SCN4A: variants seen among roughly 807,000 people sequenced by gnomAD.
SCN4A encodes sodium channel protein type 4 subunit alpha.
SCN4A carries 83 observed loss-of-function variants against 162.0 expected under a neutral mutation model. That is an observed-to-expected ratio of 0.51 (90% confidence interval 0.43 to 0.61). The LOEUF (loss-of-function observed/expected upper bound fraction) is 0.61, where lower values mean the gene tolerates loss of function less well. SCN4A is among the 20% of genes least tolerant of loss of function. The pLI is 0.00. For missense variants in SCN4A, 2,196 were observed against 2,462.5 expected (o/e 0.89, Z 2.29); for synonymous variants, 944 against 985.1 (o/e 0.96, Z 0.78).
chr17:63,972,764 T>G lies in SCN4A; in HGVS notation c.78A>C (p.Ala26=). 6.2e-7 allele frequency: 1 copy of G among 1,613,836 alleles called. No individual in the cohort carries two copies. The highest frequency in any genetic ancestry group is 8.5e-7 in the Non-Finnish European group (1 of 1,179,834). Residue 26 remains alanine, a synonymous_variant, in exon 1 of 24, where the codon GCA becomes GCC. Transcript: ENST00000435607. This position sits in a 1 kb window ranked among gnomAD's most constrained non-coding sequence, Gnocchi z 4.3. The part of the protein sequence containing the change: ...CLRPFTRESL[A]AIEQRAVEEE... ...CCTCCACCGCCCGCTGTTCTATGGC[T>G]GCCAGTGACTCCCGGGTGAAGGGGC...
In SCN4A at chr17:63,943,111, G is replaced by A; in HGVS notation, c.4018-15C>T. The stretch of plus-strand genomic sequence containing the variant: ...TGGATCTTGTTCTGCAGCATGGGTG[G>A]GAGTGGATGTGGAGGAGTTGGGGTG... On this transcript the variant is annotated splice_polypyrimidine_tract_variant and intron_variant, in intron 22 of 23. Transcript: ENST00000435607. 6.2e-7 allele frequency: 1 copy of A among 1,602,982 alleles called. No homozygotes were observed. Among genetic ancestry groups the A allele is most frequent in the South Asian group, 1.1e-5 (1 of 90,318 alleles).
At position 63,957,377 on chromosome 17, in the gene SCN4A, G is replaced by A. The variant is rs1909103392; in HGVS notation, c.2161C>T (p.Leu721=). The change falls in exon 13 of 24, where the codon CTG becomes TTG. Residue 721 remains leucine (L), a synonymous_variant. Coordinates refer to ENST00000435607, the MANE Select transcript of SCN4A (RefSeq NM_000334.4). ...VFIFAVVGMQ[L]FGKSYKECVC... ...CACTCCTTGTAGCTCTTGCCAAACA[G>A]CTGCATGCCCACCACGGCGAAGATG... 6.2e-7 allele frequency: 1 copy of A among 1,614,002 alleles called. No homozygotes were observed.
intron 14 of SCN4A, chr17:63,949,834 A>C: frequency 1.1e-5 from 2 of 190,170 alleles, no homozygotes; most frequent in Non-Finnish European, 2.1e-5. Context: ...CCCCGGCCCG[A>C]GTGGGGGGTC....
rs1908544184 is a variant in SCN4A, at chr17:63,941,801, A to T, written c.4481T>A (p.Phe1494Tyr). Residue 1494 changes from phenylalanine (F) to tyrosine (Y), a missense_variant, in exon 24 of 24, where the codon TTC (phenylalanine) becomes TAC (tyrosine). Phe to Tyr is a conservative substitution (Grantham distance 22). Coordinates refer to ENST00000435607, the MANE Select transcript of SCN4A (RefSeq NM_000334.4). This position sits in a 1 kb window ranked among gnomAD's most constrained non-coding sequence, Gnocchi z 6.2. Reference sequence around the variant, plus strand: ...GGACATGCCGAAGATGGAGTAGATGAACATGACCAGGAAGAGGAGGAGGCC... The same window carrying T: ...GGACATGCCGAAGATGGAGTAGATGTACATGACCAGGAAGAGGAGGAGGCC... Reference protein sequence around the residue: ...NIGLLLFLVMFIYSIFGMSNF... With the variant: ...NIGLLLFLVMYIYSIFGMSNF... The T allele has an allele frequency of 6.2e-7, 1 of 1,614,062 alleles. No homozygotes were observed. Among genetic ancestry groups the T allele is most frequent in the Admixed American group, 1.7e-5 (1 of 59,998 alleles).
rs1567829662 is a variant in SCN4A, at chr17:63,972,364, A to C, written c.380T>G (p.Val127Gly). The change falls in exon 2 of 24, where the codon GTG (valine) becomes GGG (glycine). Residue 127 changes from valine (V) to glycine (G), a missense_variant. Coordinates refer to ENST00000435607, the MANE Select transcript of SCN4A (RefSeq NM_000334.4). The surrounding 1 kb of genome is among the most constrained non-coding windows in gnomAD (Gnocchi z 4.3). ...TTGGGCAGGATATGCATGGATGAGC[A>C]CCTTGATGGCCCCGCGCCTGACTAC... ...FSVVRRGAIK[V>G]LIHALFSMFI... 1 of 1,613,814 alleles carries C rather than the reference A, an allele frequency of 6.2e-7. No individual in the cohort carries two copies. The highest frequency in any genetic ancestry group is 2.2e-5 in the East Asian group (1 of 44,876).
At chr17:63,948,529 G>A in intron 16 of SCN4A, 82 bp downstream of exon 16, 1 of 1,253,044 alleles carries the variant, frequency 8.0e-7, no homozygotes, top group Non-Finnish European at 1.1e-6. Flanking sequence ...GGCCCTTCCT[G>A]TGTGTGGAGA....
rs58036769 is a variant in SCN4A, at chr17:63,942,258, GGTGTGTGTGT to G, written c.4289-275_4289-266del. ...CCCAAGGCTGTTTGCAAATGCCACT[GGTGTGTGTGT>G]GTGTGTGTGTGTGTGTGTGTGTGTG... is the stretch of plus-strand genomic sequence containing the variant. On this transcript the variant is annotated intron_variant, in intron 23 of 23. Coordinates refer to ENST00000435607, the MANE Select transcript of SCN4A (RefSeq NM_000334.4). Among the ~76,000 whole-genome samples the G allele has an allele frequency of 0.28, 38,450 of 138,558 alleles. 5,822 individuals are homozygous for G. Among genetic ancestry groups the G allele is most frequent in the East Asian group, 0.4 (1,984 of 4,924 alleles). 90.9% of individuals were successfully genotyped at this position (138,558 alleles called of 152,430 possible).
chr17:63,941,412 A>G lies in SCN4A; in HGVS notation c.4870T>C (p.Trp1624Arg). Residue 1624 changes from tryptophan (W) to arginine (R), a missense_variant, in exon 24 of 24, where the codon TGG (tryptophan) becomes CGG (arginine). Physicochemically the swap from Trp to Arg is moderately radical, Grantham distance 101. Transcript: ENST00000435607. The surrounding 1 kb of genome is among the most constrained non-coding windows in gnomAD (Gnocchi z 6.2). ...GTGGCGTCGGGGTCGAACTTCTCCC[A>G]TGTCTCGTAGAACATCTCAAAGTCA... ...EDDFEMFYETWEKFDPDATQF... is the reference protein window; with the variant it reads ...EDDFEMFYETREKFDPDATQF... The G allele has an allele frequency of 1.2e-6, 2 of 1,613,904 alleles. No individual in the cohort carries two copies. The highest frequency in any genetic ancestry group is 1.7e-6 in the Non-Finnish European group (2 of 1,179,980).
chr17:63,965,621 T>C (rs765018132), intron 8 of SCN4A, among the ~76,000 whole-genome samples: 4 of 152,192 alleles, frequency 2.6e-5, no homozygotes, highest in Non-Finnish European at 4.4e-5. Flanking sequence ...CCTGAGTAGC[T>C]GGGAATATAG....
intron 23 of SCN4A, 69 bp from the exon 24 acceptor site, chr17:63,942,062 C>T (rs145578310): frequency 1.5e-5 from 22 of 1,436,230 alleles, no homozygotes; most frequent in Middle Eastern, 4.0e-4. Context: ...GGGGAGCATG[C>T]GGGGCTCAGG....
Position 63,964,575 on chromosome 17 carries a change from C to A in SCN4A, c.1345G>T (p.Ala449Ser), listed in dbSNP as rs972262577. The change falls in exon 9 of 24, where the codon GCA becomes TCA. Residue 449 changes from alanine to serine, a missense_variant. Transcript: ENST00000435607. Reference protein sequence around the residue: ...INLILAVVAMAYAEQNEATLA... With the variant: ...INLILAVVAMSYAEQNEATLA... ...GTGGCCTCATTCTGCTCGGCATATG[C>A]CATGGCCACCACGGCCAGGATCAGA... 6.2e-7 allele frequency: 1 copy of A among 1,613,936 alleles called. No homozygotes were observed. Among genetic ancestry groups the A allele is most frequent in the Non-Finnish European group, 8.5e-7 (1 of 1,179,836 alleles).
In SCN4A at chr17:63,940,705, T is replaced by C; in HGVS notation, c.*66A>G. ...CAAAGCCCTCCTCCCTCACTCTGTG[T>C]GCAGGCACCACGGGGGAGCTCTGGG... On this transcript the variant is annotated 3_prime_UTR_variant, in exon 24 of 24. Coordinates refer to ENST00000435607, the MANE Select transcript of SCN4A (RefSeq NM_000334.4). 1 of 1,502,614 alleles carries C rather than the reference T, an allele frequency of 6.7e-7. No homozygotes were observed. Among genetic ancestry groups the C allele is most frequent in the East Asian group, 2.3e-5 (1 of 43,850 alleles). 93.1% of individuals were successfully genotyped at this position (1,502,614 alleles called of 1,614,324 possible).
chr17:63,938,563 C>T lies in SCN4A; in HGVS notation c.*2208G>A, dbSNP rs1296148610. The T allele has an allele frequency of 6.6e-6, 1 of 152,486 alleles. No homozygotes were observed. The highest frequency in any genetic ancestry group is 2.4e-5 in the African/African-American group (1 of 41,444). The allele number at this position is 152,486 out of a possible 1,614,324, so 9.4% of individuals were successfully genotyped here. ...AGGGAGAAGCCACATACCAGAGGCA[C>T]CAAGGAGGGTTTATTGTAAGAACTG... On this transcript the variant is annotated 3_prime_UTR_variant, in exon 24 of 24. Coordinates refer to ENST00000435607, the MANE Select transcript of SCN4A (RefSeq NM_000334.4).
intron 15 of SCN4A, 151 bp downstream of exon 15, chr17:63,949,242 G>A (rs1458746135): frequency 3.8e-6 from 3 of 797,192 alleles, no homozygotes; most frequent in Non-Finnish European, 5.8e-6. Flanking sequence ...CCACAGTTCT[G>A]GGCATGCACT....
intron 8 of SCN4A, among the ~76,000 whole-genome samples, 196 bp from the exon 9 acceptor site, chr17:63,964,873 G>T (rs1260276135): frequency 6.6e-6 from 1 of 152,178 alleles, no homozygotes; most frequent in Non-Finnish European, 1.5e-5. Flanking sequence ...GGACTCAAAC[G>T]TTTCTGGTCT....
Position 63,939,584 on chromosome 17 carries a change from C to T in SCN4A, c.*1187G>A, listed in dbSNP as rs574122794. The T allele has an allele frequency of 8.5e-6, 1 of 118,262 alleles. No individual in the cohort carries two copies. 7.3% of individuals were successfully genotyped at this position (118,262 alleles called of 1,614,324 possible). A position where few individuals can be genotyped will look rare whatever the true frequency, so the allele number is the denominator to read the frequency against. On this transcript the variant is annotated 3_prime_UTR_variant, in exon 24 of 24. Transcript: ENST00000435607. ...CTGAGCAGGTCTCTCACCCCTCCTC[C>T]TGAGCCAGCAGAGGCCTGGCCCTGC...
chr17:63,954,911 G>A (rs901020385), intron 13 of SCN4A, among the ~76,000 whole-genome samples: 1 of 152,104 alleles, frequency 6.6e-6, no homozygotes, highest in Non-Finnish European at 1.5e-5. Context: ...AGGGGCTCCC[G>A]TCCCACACAC....
chr17:63,972,226 G>A lies in SCN4A; in HGVS notation c.393-1C>T, dbSNP rs1199378574. 3.1e-6 allele frequency: 5 copies of A among 1,612,728 alleles called. No homozygotes were observed. Among genetic ancestry groups the A allele is most frequent in the East Asian group, 2.2e-5 (1 of 44,878 alleles). The stretch of plus-strand genomic sequence containing the variant: ...GATCATGATGAACATGCTGAACAGC[G>A]TGGGGCAGGGTCAAGGAAAGTGAGG... On this transcript the variant is annotated splice_acceptor_variant, in intron 2 of 23. Transcript: ENST00000435607. LOFTEE classifies it high-confidence loss of function. This position sits in a 1 kb window ranked among gnomAD's most constrained non-coding sequence, Gnocchi z 4.3.
rs777068029 is a variant in SCN4A, at chr17:63,963,754, G to A, written c.1524C>T (p.Gly508=). 5.0e-6 allele frequency: 8 copies of A among 1,609,778 alleles called. No homozygotes were observed. The highest frequency in any genetic ancestry group is 6.8e-6 in the Non-Finnish European group (8 of 1,178,558). Reference sequence around the variant, plus strand: ...TCTCCCCTTGCGATGTGTCCAGGCTGCCATTGCAGTCTTTGCCATGGGCTG... The same window carrying A: ...TCTCCCCTTGCGATGTGTCCAGGCTACCATTGCAGTCTTTGCCATGGGCTG... The part of the protein sequence containing the change: ...GDPAHGKDCN[G]SLDTSQGEKG... Residue 508 remains glycine, a synonymous_variant, in exon 10 of 24, where the codon GGC becomes GGT. Coordinates refer to ENST00000435607, the MANE Select transcript of SCN4A (RefSeq NM_000334.4).
Sources: allele counts gnomAD v4.1 joint callset (sites outside exome capture counted in the v4.1 genomes callset), GRCh38; gene constraint gnomAD v4.1.1; non-coding constraint Gnocchi (gnomAD v3.1); transcripts MANE v1.5; gene names NCBI Gene and HGNC (gene_info 2026-07-23, HGNC 2026-07-21).